The following CDC14A variants were observed in gnomAD, a reference collection of about 807,000 sequenced individuals.
CDC14A encodes the protein dual specificity protein phosphatase CDC14A.
CDC14A carries 53 observed loss-of-function variants against 74.4 expected under a neutral mutation model. That is an observed-to-expected ratio of 0.71 (90% CI 0.57 to 0.89). The LOEUF is 0.89. CDC14A is among the 40% of genes least tolerant of loss of function. CDC14A has a pLI of 0.00. For synonymous variants in CDC14A, 247 were observed against 258.4 expected (o/e 0.96, Z 0.43); for missense variants, 646 against 713.7 (o/e 0.91, Z 1.08).
At chr1:100,491,712 C>A (rs1209176124) in intron 11 of CDC14A, among the ~76,000 whole-genome samples, 4 of 148,014 alleles carry the variant, frequency 2.7e-5, no homozygotes, top group African/African-American at 1.0e-4. Context: ...GCTGGGATTA[C>A]AGGCACGCAC....
chr1:100,366,039 T>A (rs1296417903), intron 2 of CDC14A, among the ~76,000 whole-genome samples: 1 of 152,100 alleles, frequency 6.6e-6, no homozygotes, highest in African/African-American at 2.4e-5. Context: ...AATAATGTCT[T>A]TACCTGTCTT....
At chr1:100,379,222 AT>A (rs1256909251) in intron 3 of CDC14A, among the ~76,000 whole-genome samples, 8 of 152,208 alleles carry the variant, frequency 5.3e-5, no homozygotes, top group African/African-American at 1.7e-4. Flanking sequence ...AGTTGAGAGT[AT>A]TTTTTCTACC....
At chr1:100,428,051 A>G (rs1031305711) in intron 5 of CDC14A, among the ~76,000 whole-genome samples, 2 of 152,236 alleles carry the variant, frequency 1.3e-5, no homozygotes, top group Non-Finnish European at 2.9e-5. Flanking sequence ...GGTAGTATAT[A>G]TAATACGAAG....
rs931383765 is a variant in CDC14A, at chr1:100,485,047, A to G, written c.1137+596A>G. 6.1e-6 allele frequency: 6 copies of G among 985,294 alleles called. No homozygotes were observed. The African/African-American group carries it at 1.0e-4, about 17-fold the overall frequency. 61.0% of individuals were successfully genotyped at this position (985,294 alleles called of 1,614,324 possible). On this transcript the variant is annotated intron_variant, in intron 11 of 15. Transcript: ENST00000336454. ...CTCAGTGTCAAACATGGTTCAATCC[A>G]TGTCTGTCTGAGTCCAAGCTTGTGT... is the stretch of plus-strand genomic sequence containing the variant.
chr1:100,507,491 T>C (rs1021042691), intron 15 of CDC14A, among the ~76,000 whole-genome samples: 8 of 150,754 alleles, frequency 5.3e-5, no homozygotes, highest in African/African-American at 2.0e-4. Flanking sequence ...GTAGAGAGAG[T>C]GTCTTGCTAT....
At chr1:100,352,003 T>TGC (rs370715549), upstream of CDC14A, among the ~76,000 whole-genome samples, 106 of 122,852 alleles carry the variant, frequency 8.6e-4, no homozygotes, top group South Asian at 3.5e-3. Context: ...TGTGTGTGTG[T>TGC]GCGCGCGCGC....
In CDC14A at chr1:100,480,195, T is replaced by C. The variant is rs1401043300; in HGVS notation, c.978-4097T>C. Reference sequence around the variant, plus strand: ...GTCCCTGGAAACCTCTATTCTACTTTCTGACATTATGAATTTGCCTGTTCC... The same window carrying C: ...GTCCCTGGAAACCTCTATTCTACTTCCTGACATTATGAATTTGCCTGTTCC... On this transcript the variant is annotated intron_variant, in intron 10 of 15. Coordinates refer to ENST00000336454, the MANE Select transcript of CDC14A (RefSeq NM_003672.4). Among the ~76,000 whole-genome samples, 4 of 152,226 alleles carry C rather than the reference T, an allele frequency of 2.6e-5. No individual in the cohort carries two copies. The East Asian group carries it at 7.7e-4, about 29-fold the overall frequency.
rs1221807416 is a variant in CDC14A, at chr1:100,480,315, A to G, written c.978-3977A>G. On this transcript the variant is annotated intron_variant, in intron 10 of 15. Coordinates refer to ENST00000336454, the MANE Select transcript of CDC14A (RefSeq NM_003672.4). ...TTGCAACATTCATCCATGTTGTAAC[A>G]TGTATCAGAATTTCTTTTAGAGGCT... 2.0e-5 allele frequency among the ~76,000 whole-genome samples: 3 copies of G among 152,180 alleles called. No homozygotes were observed. The South Asian group carries it at 6.2e-4, about 32-fold the overall frequency.
At chr1:100,477,100 C>G (rs1668979510) in intron 10 of CDC14A, among the ~76,000 whole-genome samples, 1 of 152,172 alleles carries the variant, frequency 6.6e-6, no homozygotes, top group African/African-American at 2.4e-5. Context: ...CTCCTCAAAG[C>G]CTCCATATGG....
In CDC14A at chr1:100,470,608, G is replaced by A. The variant is rs1036548226; in HGVS notation, c.977+2514G>A. Among the ~76,000 whole-genome samples, 5 of 152,028 alleles carry A rather than the reference G, an allele frequency of 3.3e-5. No individual in the cohort carries two copies. In the South Asian group the frequency reaches 6.2e-4, roughly 19 times the overall value. ...AAGACTTGTACACATATATTAAAAAGTATAAATAAGCAATTTTAAAAATTA... is the reference window on the plus strand; with the variant it reads ...AAGACTTGTACACATATATTAAAAAATATAAATAAGCAATTTTAAAAATTA... On this transcript the variant is annotated intron_variant, in intron 10 of 15. Coordinates refer to ENST00000336454, the MANE Select transcript of CDC14A (RefSeq NM_003672.4).
chr1:100,390,167 A>T (rs1367200702), intron 3 of CDC14A, among the ~76,000 whole-genome samples: 1 of 152,150 alleles, frequency 6.6e-6, no homozygotes, highest in Non-Finnish European at 1.5e-5. Context: ...TTGTATTAAG[A>T]TGTTTGCTGA....
At chr1:100,398,102 T>A (rs1316980073) in intron 4 of CDC14A, among the ~76,000 whole-genome samples, 1 of 152,242 alleles carries the variant, frequency 6.6e-6, no homozygotes, top group Non-Finnish European at 1.5e-5. Flanking sequence ...TTTTTCATCT[T>A]TAAAATAGGC....
At chr1:100,401,967 G>A (rs1659319163) in intron 4 of CDC14A, among the ~76,000 whole-genome samples, 1 of 151,966 alleles carries the variant, frequency 6.6e-6, no homozygotes, top group African/African-American at 2.4e-5. Context: ...GAACCCGGGA[G>A]GCGGAGGTTG....
At chr1:100,431,646 A>G (rs1134272) in intron 5 of CDC14A, among the ~76,000 whole-genome samples, 1 of 151,904 alleles carries the variant, frequency 6.6e-6, no homozygotes, top group Admixed American at 6.6e-5. Flanking sequence ...GTTAGAGACC[A>G]GTGTGAGTAA....
At chr1:100,404,943 G>A (rs967245600) in intron 4 of CDC14A, among the ~76,000 whole-genome samples, 1 of 152,330 alleles carries the variant, frequency 6.6e-6, no homozygotes, top group South Asian at 2.1e-4. Flanking sequence ...ACCTCATAGA[G>A]TTATTTAATA....
intron 9 of CDC14A, among the ~76,000 whole-genome samples, chr1:100,463,742 G>A (rs1361754434): frequency 1.3e-5 from 2 of 152,136 alleles, no homozygotes; most frequent in Non-Finnish European, 2.9e-5. Context: ...ACTTCGAGGA[G>A]GCTTAAAATC....
At chr1:100,436,238 T>A (rs1664323688) in intron 5 of CDC14A, among the ~76,000 whole-genome samples, 1 of 152,160 alleles carries the variant, frequency 6.6e-6, no homozygotes, top group Admixed American at 6.5e-5. Context: ...GTCCCGACTA[T>A]ATTGGTGAGT....
chr1:100,504,119 C>A (rs1386309735), intron 15 of CDC14A, among the ~76,000 whole-genome samples: 1 of 152,162 alleles, frequency 6.6e-6, no homozygotes, highest in Non-Finnish European at 1.5e-5. Flanking sequence ...ATTAGGCACT[C>A]ATTAAGTATT....
chr1:100,394,110 A>C (rs1462229793), intron 4 of CDC14A: 8 of 90,560 alleles, frequency 8.8e-5, no homozygotes, highest in Admixed American at 1.3e-4. Context: ...TTCTTTCCTT[A>C]CTTATTTATT....
Sources: gnomAD v4.1 joint callset for allele counts (sites outside exome capture counted in the v4.1 genomes callset) on GRCh38, gnomAD v4.1.1 for gene constraint, MANE v1.5 for transcripts, NCBI Gene and HGNC (gene_info 2026-07-23, HGNC 2026-07-21) for gene names.